Variants in PCMT1 observed in about 807,000 individuals in gnomAD.
The protein encoded by PCMT1 is protein-L-isoaspartate(D-aspartate) O-methyltransferase.
In PCMT1, 9 loss-of-function variants were observed where a neutral mutation model predicts 29.2. The observed-to-expected ratio is 0.31, with a 90% CI of 0.19 to 0.54. The LOEUF (loss-of-function observed/expected upper bound fraction) is 0.54. Among genes scored for constraint, PCMT1 ranks in the 20% least tolerant of loss-of-function variants. The pLI is 0.95. For synonymous variants in PCMT1, 98 were observed against 97.5 expected (o/e 1.00, Z -0.03); for missense variants, 184 against 282.2 (o/e 0.65, Z 2.49).
At chr6:149,796,760 C>T (rs192180810) in intron 6 of PCMT1, 160 of 335,118 alleles carry the variant, frequency 4.8e-4, no homozygotes, top group African/African-American at 3.3e-3. Context: ...GGGAAAATCC[C>T]TCTGGAGTTT....
chr6:149,807,109 C>T (rs1327884415), intron 7 of PCMT1, among the ~76,000 whole-genome samples: 1 of 151,966 alleles, frequency 6.6e-6, no homozygotes, highest in African/African-American at 2.4e-5. Context: ...AAGTAAAGAT[C>T]CAAACTTGAA....
At chr6:149,769,358 A>G (rs977099465) in intron 1 of PCMT1, among the ~76,000 whole-genome samples, 1 of 122,358 alleles carries the variant, frequency 8.2e-6, no homozygotes, top group Non-Finnish European at 1.6e-5. Context: ...TCTGTCACGC[A>G]GGCTGGAGTT....
At position 149,810,549 on chromosome 6, in the gene PCMT1, C is replaced by T. The variant is rs1422174176; in HGVS notation, c.*38-67C>T. On this transcript the variant is annotated intron_variant, in intron 7 of 7. Coordinates refer to ENST00000464889, the MANE Select transcript of PCMT1 (RefSeq NM_001360452.2). Reference sequence around the variant, plus strand: ...TATTGACTTAATAGTTGTGTCTAAACTATTATAAAGCCAAATTGGGTAGTG... The same window carrying T: ...TATTGACTTAATAGTTGTGTCTAAATTATTATAAAGCCAAATTGGGTAGTG... 13 of 1,230,930 alleles carry T rather than the reference C, an allele frequency of 1.1e-5. No homozygotes were observed. In the Admixed American group the frequency reaches 1.2e-4, roughly 12 times the overall value. 76.3% of individuals were successfully genotyped at this position (1,230,930 alleles called of 1,614,324 possible).
intron 5 of PCMT1, chr6:149,795,574 C>T (rs541079738): frequency 2.7e-5 from 14 of 523,082 alleles, no homozygotes; most frequent in South Asian, 2.3e-4. Context: ...TTTACACAAC[C>T]CAATGAGAAA....
intron 6 of PCMT1, chr6:149,798,058 G>T (rs1788685753): frequency 6.6e-6 from 1 of 151,886 alleles, no homozygotes; most frequent in South Asian, 2.1e-4. Flanking sequence ...TACTCAAGAG[G>T]CTGAGGTGGG....
chr6:149,771,779 A>G (rs557391276), intron 2 of PCMT1, among the ~76,000 whole-genome samples: 52 of 152,272 alleles, frequency 3.4e-4, no homozygotes, highest in African/African-American at 1.2e-3. Flanking sequence ...TGGCCTCCCA[A>G]AGCACTAGGA....
chr6:149,773,409 C>T (rs912920771), intron 3 of PCMT1, among the ~76,000 whole-genome samples: 3 of 151,948 alleles, frequency 2.0e-5, no homozygotes, highest in East Asian at 1.9e-4. Context: ...GATGGAGTCT[C>T]GCTCTGTCGC....
chr6:149,774,494 C>T (rs1486078435), intron 3 of PCMT1, among the ~76,000 whole-genome samples: 16 of 149,542 alleles, frequency 1.1e-4, no homozygotes, highest in Non-Finnish European at 2.2e-4. Flanking sequence ...CCGCCTCAGC[C>T]TCCCAAAGTG....
intron 3 of PCMT1, among the ~76,000 whole-genome samples, chr6:149,786,019 G>A (rs1361337900): frequency 4.0e-5 from 6 of 148,724 alleles, no homozygotes; most frequent in Non-Finnish European, 9.0e-5. Context: ...CGGACGGGGC[G>A]GCTGGCCGGG....
At chr6:149,778,265 G>C (rs572759190) in intron 3 of PCMT1, among the ~76,000 whole-genome samples, 2 of 151,934 alleles carry the variant, frequency 1.3e-5, no homozygotes, top group East Asian at 3.9e-4. Context: ...GTCTCTCTCT[G>C]TCGCCCAGGC....
Position 149,789,864 on chromosome 6 carries a change from T to C in PCMT1, c.193-90T>C, listed in dbSNP as rs532326632. The stretch of plus-strand genomic sequence containing the variant: ...TGGTTATCTTGGTAGATGACAATAG[T>C]AGAAAAATTGGTAGAAAGTTGGCAA... On this transcript the variant is annotated intron_variant, in intron 3 of 7. Transcript: ENST00000464889. 22 of 734,900 alleles carry C rather than the reference T, an allele frequency of 3.0e-5. No homozygotes were observed. In the African/African-American group the frequency reaches 3.4e-4, roughly 11 times the overall value. 45.5% of individuals were successfully genotyped at this position (734,900 alleles called of 1,614,324 possible).
intron 1 of PCMT1, among the ~76,000 whole-genome samples, chr6:149,763,455 TAA>T (rs1786948084): frequency 6.6e-6 from 1 of 151,868 alleles, no homozygotes; most frequent in Non-Finnish European, 1.5e-5. Context: ...AACCACCCAG[TAA>T]TGCCTAAAAA....
intron 1 of PCMT1, among the ~76,000 whole-genome samples, chr6:149,768,532 A>G (rs1325623731): frequency 3.6e-5 from 5 of 139,760 alleles, no homozygotes; most frequent in African/African-American, 8.2e-5. Context: ...ACTCACTGCA[A>G]CCTCCGCCTC....
chr6:149,762,226 G>A (rs1015772978), intron 1 of PCMT1, among the ~76,000 whole-genome samples: 12 of 151,554 alleles, frequency 7.9e-5, no homozygotes, highest in African/African-American at 2.7e-4. Context: ...CTGATAGCTT[G>A]GATTCTATTG....
intron 4 of PCMT1, among the ~76,000 whole-genome samples, chr6:149,791,620 T>C (rs970051899): frequency 2.6e-5 from 4 of 152,230 alleles, no homozygotes; most frequent in African/African-American, 9.6e-5. Flanking sequence ...GGAAATTTTG[T>C]CTGCTCTTTT....
intron 4 of PCMT1, among the ~76,000 whole-genome samples, chr6:149,790,382 T>C (rs866693277): frequency 6.6e-6 from 1 of 152,198 alleles, no homozygotes; most frequent in African/African-American, 2.4e-5. Flanking sequence ...GGCTTTACTT[T>C]CCTCCACATG....
chr6:149,786,076 G>T (rs540130947), intron 3 of PCMT1, among the ~76,000 whole-genome samples: 8 of 143,602 alleles, frequency 5.6e-5, no homozygotes, highest in Admixed American at 2.0e-4. Flanking sequence ...GTGGCTAGCC[G>T]GGCAGAGGAG....
chr6:149,772,572 G>C, intron 2 of PCMT1: 1 of 456,180 alleles, frequency 2.2e-6, no homozygotes, highest in Non-Finnish European at 4.4e-6. Flanking sequence ...TACAGGAGAA[G>C]AAATTTTTAG....
chr6:149,752,864 G>C (rs556456438), intron 1 of PCMT1, among the ~76,000 whole-genome samples: 2 of 152,212 alleles, frequency 1.3e-5, no homozygotes, highest in East Asian at 1.9e-4. Flanking sequence ...TCTTTTCCCG[G>C]TGGTTTCATA....
Sources: gnomAD v4.1 joint callset for allele counts (sites outside exome capture counted in the v4.1 genomes callset) on GRCh38, gnomAD v4.1.1 for gene constraint, MANE v1.5 for transcripts, NCBI Gene and HGNC (gene_info 2026-07-23, HGNC 2026-07-21) for gene names.